RBMS1: variants seen among roughly 807,000 people sequenced by gnomAD.
RBMS1 encodes the protein RNA binding motif single stranded interacting protein 1.
A neutral mutation model predicts 62.3 loss-of-function variants in RBMS1; 17 were observed. The observed-to-expected ratio is 0.27, with a 90% CI of 0.19 to 0.41. The LOEUF is 0.41. Among genes scored for constraint, RBMS1 ranks in the 10% least tolerant of loss-of-function variants. The pLI, the probability that RBMS1 is intolerant of heterozygous loss-of-function variation, is 1.00. For synonymous variants in RBMS1, 172 were observed against 170.0 expected, an observed-to-expected ratio of 1.01 and a Z score of -0.09; for missense variants, 334 against 504.5, an observed-to-expected ratio of 0.66 and a Z score of 3.24.
At chr2:160,435,702 A>G (rs1395479285) in intron 1 of RBMS1, among the ~76,000 whole-genome samples, 1 of 152,226 alleles carries the variant, frequency 6.6e-6, no homozygotes, top group African/African-American at 2.4e-5. Context: ...CCTCACATAA[A>G]AAGCAAGGAA....
chr2:160,349,583 A>AGAGAG (rs1692376471), intron 2 of RBMS1, among the ~76,000 whole-genome samples: 1 of 133,608 alleles, frequency 7.5e-6, no homozygotes, highest in African/African-American at 2.8e-5. Context: ...GAGAGAGAGA[A>AGAGAG]AGGAAGGGAG....
At chr2:160,421,882 A>T (rs1271059512) in intron 1 of RBMS1, among the ~76,000 whole-genome samples, 1 of 152,114 alleles carries the variant, frequency 6.6e-6, no homozygotes, top group African/African-American at 2.4e-5. Flanking sequence ...TTTGATTTGC[A>T]TTTCTCTGAT....
At chr2:160,418,411 A>G (rs996378019) in intron 1 of RBMS1, among the ~76,000 whole-genome samples, 1 of 152,206 alleles carries the variant, frequency 6.6e-6, no homozygotes, top group South Asian at 2.1e-4. Context: ...TACATAGATC[A>G]GGTAAATCAG....
intron 1 of RBMS1, among the ~76,000 whole-genome samples, chr2:160,479,781 G>A (rs777235609): frequency 1.1e-4 from 17 of 152,086 alleles, no homozygotes; most frequent in Non-Finnish European, 2.4e-4. Context: ...CTAACATTCT[G>A]TGATTCTTGG....
intron 1 of RBMS1, among the ~76,000 whole-genome samples, chr2:160,390,700 A>AG (rs1380051340): frequency 6.6e-6 from 1 of 151,604 alleles, no homozygotes; most frequent in Non-Finnish European, 1.5e-5. Flanking sequence ...AAAAAAAAAA[A>AG]AAAAAAAAAG....
chr2:160,321,181 G>A (rs949506026), intron 2 of RBMS1, among the ~76,000 whole-genome samples: 2 of 152,158 alleles, frequency 1.3e-5, no homozygotes, highest in African/African-American at 4.8e-5. Context: ...AAAAGGCTCA[G>A]TAGTGCTGAA....
At chr2:160,407,005 AAC>A (rs1280019261) in intron 1 of RBMS1, among the ~76,000 whole-genome samples, 2 of 151,208 alleles carry the variant, frequency 1.3e-5, no homozygotes, top group African/African-American at 2.4e-5. Flanking sequence ...GGCGCGCGCG[AAC>A]ACACAGACAC....
chr2:160,480,937 C>A (rs1185396443), intron 1 of RBMS1, among the ~76,000 whole-genome samples: 1 of 151,786 alleles, frequency 6.6e-6, no homozygotes, highest in African/African-American at 2.4e-5. Flanking sequence ...AAAAATTACC[C>A]AGGCATGGTA....
In RBMS1 at chr2:160,332,709, C is replaced by G. The variant is rs138370462; in HGVS notation, c.252-14482G>C. ...AGGATTTTACAGGTCTGTCAAAAGA[C>G]CCCTCAGAGCCAAAAAGGAGTGAAT... is the stretch of plus-strand genomic sequence containing the variant. On this transcript the variant is annotated intron_variant, in intron 2 of 13. Transcript: ENST00000348849. 1.5e-3 allele frequency among the ~76,000 whole-genome samples: 227 copies of G among 152,094 alleles called. 1 individual carries two copies. Among genetic ancestry groups the G allele is most frequent in the African/African-American group, 5.3e-3 (219 of 41,494 alleles).
intron 1 of RBMS1, among the ~76,000 whole-genome samples, chr2:160,471,575 TA>T (rs1389739944): frequency 2.0e-5 from 3 of 150,580 alleles, no homozygotes; most frequent in African/African-American, 7.3e-5. Flanking sequence ...CTGGGTTGTT[TA>T]AAGAATATCT....
At chr2:160,288,055 A>AG (rs1292854249) in intron 6 of RBMS1, among the ~76,000 whole-genome samples, 1 of 151,570 alleles carries the variant, frequency 6.6e-6, no homozygotes, top group Non-Finnish European at 1.5e-5. Flanking sequence ...AAAAAAAAAA[A>AG]AAAGTCTACA....
intron 1 of RBMS1, among the ~76,000 whole-genome samples, chr2:160,393,368 T>C (rs952142641): frequency 6.6e-6 from 1 of 152,220 alleles, no homozygotes; most frequent in Non-Finnish European, 1.5e-5. Context: ...GACTGTAAGG[T>C]TGACAACAGG....
intron 6 of RBMS1, among the ~76,000 whole-genome samples, chr2:160,299,835 G>C (rs1194842563): frequency 1.3e-5 from 2 of 152,192 alleles, no homozygotes; most frequent in African/African-American, 4.8e-5. Context: ...TGCTGCTAGG[G>C]AAGGGTAAGG....
In RBMS1 at chr2:160,370,718, T is replaced by C. The variant is rs142598227; in HGVS notation, c.76-3327A>G. On this transcript the variant is annotated intron_variant, in intron 1 of 13. Transcript: ENST00000348849. ...ACGTGGGACCCCAAAACACTTTCTA[T>C]GTCCTGAATGCTCTATTTGTATTCT... Among the ~76,000 whole-genome samples, 169 of 152,360 alleles carry C rather than the reference T, an allele frequency of 1.1e-3. 1 individual carries two copies. The highest frequency in any genetic ancestry group is 0.01 in the Middle Eastern group (3 of 294).
intron 1 of RBMS1, among the ~76,000 whole-genome samples, chr2:160,384,728 T>C (rs1694478507): frequency 6.6e-6 from 1 of 152,208 alleles, no homozygotes; most frequent in Admixed American, 6.5e-5. Context: ...CACAAGCTAA[T>C]TAATAAACTG....
chr2:160,479,806 C>T (rs1368796352), intron 1 of RBMS1, among the ~76,000 whole-genome samples: 2 of 152,114 alleles, frequency 1.3e-5, no homozygotes, highest in Non-Finnish European at 2.9e-5. Context: ...TATAAATTCC[C>T]AGAATCATAA....
At chr2:160,402,981 C>A (rs1695514994) in intron 1 of RBMS1, among the ~76,000 whole-genome samples, 1 of 152,102 alleles carries the variant, frequency 6.6e-6, no homozygotes, top group African/African-American at 2.4e-5. Context: ...ATATGGTGAG[C>A]CCAGTTGACA....
chr2:160,306,781 T>C (rs541263553), intron 4 of RBMS1, among the ~76,000 whole-genome samples: 2 of 152,250 alleles, frequency 1.3e-5, no homozygotes, highest in African/African-American at 2.4e-5. Flanking sequence ...TGCATTCTTA[T>C]AACCACACAT....
chr2:160,288,044 TAAA>T (rs11375665), intron 6 of RBMS1, among the ~76,000 whole-genome samples: 1 of 144,696 alleles, frequency 6.9e-6, no homozygotes. Context: ...TCATTAGAGT[TAAA>T]AAAAAAAAAA....
Sources: allele counts gnomAD v4.1 joint callset (sites outside exome capture counted in the v4.1 genomes callset), GRCh38; gene constraint gnomAD v4.1.1; transcripts MANE v1.5; gene names NCBI Gene and HGNC (gene_info 2026-07-23, HGNC 2026-07-21).